The following SGCD variants were observed in gnomAD, a reference collection of about 807,000 sequenced individuals.
SGCD encodes the protein sarcoglycan delta, also known as delta-sarcoglycan.
In SGCD, 18 loss-of-function variants were observed where a neutral mutation model predicts 36.6. That is an observed-to-expected ratio of 0.49 (90% CI 0.34 to 0.73). The LOEUF (loss-of-function observed/expected upper bound fraction) is 0.73, where lower values mean the gene tolerates loss of function less well. SGCD is among the 30% of genes least tolerant of loss of function. The probability of loss-of-function intolerance (pLI) is 0.01; values close to 1 mark genes in which losing one functional copy is unlikely to be tolerated. For missense variants in SGCD, 387 were observed against 346.7 expected (o/e 1.12, Z -0.92); for synonymous variants, 133 against 130.6 (o/e 1.02, Z -0.12).
chr5:156,107,992 GTTTCCAATGCTTATCATAA>G (rs995363480), intron 1 of SGCD, among the ~76,000 whole-genome samples: 39 of 152,218 alleles, frequency 2.6e-4, no homozygotes, highest in African/African-American at 8.7e-4. Context: ...TAATCTGGTA[GTTTCCAATGCTTATCATAA>G]TATGGGCACC....
At chr5:156,433,886 C>T (rs1377251514) in intron 3 of SGCD, among the ~76,000 whole-genome samples, 1 of 152,184 alleles carries the variant, frequency 6.6e-6, no homozygotes, top group Non-Finnish European at 1.5e-5. Flanking sequence ...TAATTGTTGA[C>T]CTTGACCTTG....
rs1403992491 is a variant in SGCD, at chr5:156,545,117, CT to C, written c.294+36422del. Among the ~76,000 whole-genome samples the C allele has an allele frequency of 4.6e-5, 7 of 152,048 alleles. No individual in the cohort carries two copies. In the South Asian group the frequency reaches 8.3e-4, roughly 18 times the overall value. On this transcript the variant is annotated intron_variant, in intron 4 of 8. Coordinates refer to ENST00000337851, the MANE Select transcript of SGCD (RefSeq NM_000337.6). ...ATATCTTTATTCTTCTAGGTAGTGA[CT>C]TTTTTTGTTTGTTTGTTTGTGTTTG...
chr5:156,548,375 A>G (rs1758663771), intron 4 of SGCD, among the ~76,000 whole-genome samples: 1 of 152,226 alleles, frequency 6.6e-6, no homozygotes, highest in African/African-American at 2.4e-5. Flanking sequence ...CCATTTAGAT[A>G]GATTTTGTTT....
intron 3 of SGCD, among the ~76,000 whole-genome samples, chr5:156,163,792 G>A (rs916060485): frequency 3.3e-5 from 5 of 151,308 alleles, no homozygotes; most frequent in South Asian, 2.1e-4. Flanking sequence ...AGGCCGAGGC[G>A]GGTGGATCAC....
At chr5:155,773,224 G>A in the SGCD span, among the ~76,000 whole-genome samples, 1 of 152,140 alleles carries the variant, frequency 6.6e-6, no homozygotes, top group Non-Finnish European at 1.5e-5. Flanking sequence ...TAAGCAGGAA[G>A]CCTGTACTCC....
intron 7 of SGCD, among the ~76,000 whole-genome samples, chr5:156,726,716 G>A (rs148188684): frequency 1.3e-3 from 192 of 152,272 alleles, no homozygotes; most frequent in African/African-American, 3.5e-3. Context: ...GCCCAGCTCA[G>A]ATTCTCCATC....
At chr5:155,738,809 G>A in the SGCD span, among the ~76,000 whole-genome samples, 5 of 145,762 alleles carry the variant, frequency 3.4e-5, no homozygotes, top group Non-Finnish European at 4.5e-5. Context: ...GTGTGTGTAA[G>A]AGAGTGTGTG....
intron 3 of SGCD, among the ~76,000 whole-genome samples, chr5:156,142,271 C>A (rs950869917): frequency 1.3e-5 from 2 of 152,182 alleles, no homozygotes; most frequent in African/African-American, 2.4e-5. Context: ...GTACGGTCTG[C>A]AGAACTGTGA....
rs146903816 is a variant in SGCD, at chr5:156,131,020, C to T, written c.-44+7001C>T. Among the ~76,000 whole-genome samples, 318 of 152,322 alleles carry T rather than the reference C, an allele frequency of 2.1e-3. 10 individuals carry two copies. The East Asian group carries it at 0.05, about 24-fold the overall frequency. ...CCGTGATTACAGGCATGAGCCACCA[C>T]GCCCGGCCAGCATTCTGTATTTTTC... On this transcript the variant is annotated intron_variant, in intron 3 of 9. Transcript: ENST00000517913.
chr5:155,779,663 C>T, the SGCD span, among the ~76,000 whole-genome samples: 1 of 152,120 alleles, frequency 6.6e-6, no homozygotes, highest in African/African-American at 2.4e-5. Context: ...ACTTTGTGGA[C>T]CAGATAATGA....
At chr5:155,953,667 G>T (rs1757588688) in intron 1 of SGCD, among the ~76,000 whole-genome samples, 1 of 152,186 alleles carries the variant, frequency 6.6e-6, no homozygotes. Context: ...AGCTGATGGA[G>T]CTGTGATGTC....
chr5:156,000,671 C>T (rs1170560529), intron 1 of SGCD, among the ~76,000 whole-genome samples: 4 of 152,062 alleles, frequency 2.6e-5, no homozygotes, highest in Non-Finnish European at 5.9e-5. Context: ...CTGCCCCACC[C>T]CAGGGCAGAA....
the SGCD span, among the ~76,000 whole-genome samples, chr5:155,786,280 A>T: frequency 6.6e-6 from 1 of 152,166 alleles, no homozygotes; most frequent in Non-Finnish European, 1.5e-5. Flanking sequence ...CTAGAGCCAG[A>T]TGCTTTTACA....
chr5:155,784,640 C>CT, the SGCD span, among the ~76,000 whole-genome samples: 4,522 of 134,516 alleles, frequency 0.034, 213 homozygotes, highest in African/African-American at 0.088. Flanking sequence ...GTAAGAGCTC[C>CT]TTTTTTTTTT....
intron 3 of SGCD, among the ~76,000 whole-genome samples, chr5:156,359,952 C>G (rs549251660): frequency 1.5e-4 from 23 of 152,302 alleles, no homozygotes; most frequent in Non-Finnish European, 3.1e-4. Flanking sequence ...AGCAAATCCT[C>G]TCAGTCCAGA....
At chr5:155,874,353 A>G (rs1561634059) in intron 1 of SGCD, among the ~76,000 whole-genome samples, 1 of 152,132 alleles carries the variant, frequency 6.6e-6, no homozygotes, top group Non-Finnish European at 1.5e-5. Context: ...AAAAAATAGG[A>G]GAAATATCTT....
At chr5:156,653,503 T>TTTTTTTTTTTTTTTTTG (rs1763552441) in intron 7 of SGCD, among the ~76,000 whole-genome samples, 1 of 142,238 alleles carries the variant, frequency 7.0e-6, no homozygotes, top group Admixed American at 7.2e-5. Flanking sequence ...CTTTTTTTTT[T>TTTTTTTTTTTTTTTTTG]TTTTTGCCCC....
At chr5:156,227,517 T>C (rs1764888800) in intron 3 of SGCD, among the ~76,000 whole-genome samples, 1 of 152,168 alleles carries the variant, frequency 6.6e-6, no homozygotes, top group East Asian at 1.9e-4. Context: ...TATAGCATAG[T>C]TTGAAATCAG....
At chr5:156,573,127 A>G (rs1759790572) in intron 4 of SGCD, among the ~76,000 whole-genome samples, 1 of 152,212 alleles carries the variant, frequency 6.6e-6, no homozygotes. Context: ...GATCATAAAA[A>G]CAATACATGG....
Sources: gnomAD v4.1 joint callset for allele counts (sites outside exome capture counted in the v4.1 genomes callset) on GRCh38, gnomAD v4.1.1 for gene constraint, MANE v1.5 for transcripts, NCBI Gene and HGNC (gene_info 2026-07-23, HGNC 2026-07-21) for gene names.